The following UBE3A variants were observed in gnomAD, a reference collection of about 807,000 sequenced individuals.
UBE3A encodes ubiquitin-protein ligase E3A.
Under a neutral mutation model 83.4 loss-of-function variants are expected in UBE3A, and 6 were observed. The ratio of observed to expected loss-of-function variants is 0.07; its 90% CI spans 0.04 to 0.14. The LOEUF (loss-of-function observed/expected upper bound fraction) is 0.14. Among genes scored for constraint, UBE3A ranks in the 10% least tolerant of loss-of-function variants. The probability of loss-of-function intolerance (pLI) is 1.00; values close to 1 mark genes in which losing one functional copy is unlikely to be tolerated. For synonymous variants in UBE3A, 337 were observed against 355.4 expected, an observed-to-expected ratio of 0.95 and a Z score of 0.58; for missense variants, 456 against 1,036.1, an observed-to-expected ratio of 0.44 and a Z score of 7.69.
intron 4 of UBE3A, among the ~76,000 whole-genome samples, chr15:25,390,783 T>A (rs2084169714): frequency 6.6e-6 from 1 of 152,018 alleles, no homozygotes; most frequent in African/African-American, 2.4e-5. Flanking sequence ...GGACTTTGGG[T>A]AATTATGATG....
chr15:25,371,903 C>T lies in UBE3A; in HGVS notation c.362-91G>A. On this transcript the variant is annotated intron_variant, in intron 5 of 12. Transcript: ENST00000648336. This position sits in a 1 kb window ranked among gnomAD's most constrained non-coding sequence, Gnocchi z 5.3. ...AAGTTCTAAAAGTAAAACAGCCAAA[C>T]ATTCTAGGCTCAATATCATTTATGA... is the stretch of plus-strand genomic sequence containing the variant. 3 of 1,234,756 alleles carry T rather than the reference C, an allele frequency of 2.4e-6. No individual in the cohort carries two copies. In the African/African-American group the frequency reaches 4.6e-5, roughly 19 times the overall value. The allele number at this position is 1,234,756 out of a possible 1,614,324, so 76.5% of individuals were successfully genotyped here. A position where few individuals can be genotyped will look rare whatever the true frequency, so the allele number is the denominator to read the frequency against.
intron 1 of UBE3A, among the ~76,000 whole-genome samples, chr15:25,422,935 T>G (rs1473049890): frequency 2.0e-5 from 3 of 151,878 alleles, no homozygotes; most frequent in African/African-American, 7.3e-5. Flanking sequence ...GAGTTTGAGG[T>G]TGCAGGGAGC....
At chr15:25,406,536 TA>T (rs1430244558) in intron 3 of UBE3A, among the ~76,000 whole-genome samples, 1 of 152,170 alleles carries the variant, frequency 6.6e-6, no homozygotes, top group Non-Finnish European at 1.5e-5. Flanking sequence ...TATTGATTTC[TA>T]ACACTTAGAA....
In UBE3A at chr15:25,428,034, A is replaced by G. The variant is rs75309989; in HGVS notation, c.-165+10455T>C. Among the ~76,000 whole-genome samples, 7,066 of 152,202 alleles carry G rather than the reference A, an allele frequency of 0.046. 210 individuals carry two copies. Among genetic ancestry groups the G allele is most frequent in the African/African-American group, 0.065 (2,703 of 41,516 alleles). On this transcript the variant is annotated intron_variant, in intron 1 of 12. Transcript: ENST00000648336. ...TCACTCATACATGGGCTAAAAAAGT[A>G]TATCTCAAGAAGATAAGCATAGACT... is the stretch of plus-strand genomic sequence containing the variant.
At chr15:25,356,090 T>C (rs757224979) in intron 8 of UBE3A, 34 bp from the exon 9 acceptor site, 74 of 1,606,708 alleles carry the variant, frequency 4.6e-5, no homozygotes, top group South Asian at 3.6e-4. Flanking sequence ...GAGGCCACCA[T>C]AGAACTACAA....
intron 4 of UBE3A, among the ~76,000 whole-genome samples, chr15:25,377,989 CT>C (rs991533618): frequency 4.1e-4 from 62 of 152,214 alleles, no homozygotes; most frequent in African/African-American, 1.4e-3. Flanking sequence ...AGTTTTAAAA[CT>C]TCTTCCATCT....
intron 4 of UBE3A, among the ~76,000 whole-genome samples, chr15:25,402,612 T>G (rs2087438312): frequency 6.6e-6 from 1 of 152,146 alleles, no homozygotes; most frequent in South Asian, 2.1e-4. Context: ...CATGGGGGCC[T>G]GCCTAGCATT....
rs1271545147 is a variant in UBE3A at position 25,370,520 on chromosome 15, CATG to C, written c.1608+43_1608+45del. 1.2e-6 allele frequency: 2 copies of C among 1,608,438 alleles called. No individual in the cohort carries two copies. Among genetic ancestry groups the C allele is most frequent in the African/African-American group, 2.7e-5 (2 of 74,870 alleles). ...TTAAAATGAATTCACTGAACTGTAT[CATG>C]ATATCCCCATTATTAGGTTTTTAAT... On this transcript the variant is annotated intron_variant, in intron 6 of 12. Transcript: ENST00000648336. This position sits in a 1 kb window ranked among gnomAD's most constrained non-coding sequence, Gnocchi z 4.2.
intron 4 of UBE3A, among the ~76,000 whole-genome samples, chr15:25,399,657 C>G (rs1477330381): frequency 1.3e-5 from 2 of 152,104 alleles, no homozygotes; most frequent in Admixed American, 1.3e-4. Flanking sequence ...CCACCTTAAG[C>G]TCCTGAGCTC....
Position 25,382,253 on chromosome 15 carries a change from G to A in UBE3A, c.63-6490C>T, listed in dbSNP as rs147955391. On this transcript the variant is annotated intron_variant, in intron 4 of 12. Transcript: ENST00000648336. ...GAAGAATGGCATGAACCCGGGAGGCGGAGCTTGCAGTGAGCCGAGACAGAG... is the reference window on the plus strand; with the variant it reads ...GAAGAATGGCATGAACCCGGGAGGCAGAGCTTGCAGTGAGCCGAGACAGAG... Among the ~76,000 whole-genome samples the A allele has an allele frequency of 4.8e-3, 728 of 152,110 alleles. 5 individuals carry two copies. Among genetic ancestry groups the A allele is most frequent in the Non-Finnish European group, 7.5e-3 (509 of 67,980 alleles).
intron 1 of UBE3A, among the ~76,000 whole-genome samples, chr15:25,414,168 T>C (rs537208665): frequency 6.6e-6 from 1 of 152,274 alleles, no homozygotes; most frequent in South Asian, 2.1e-4. Context: ...ACTCAATTAT[T>C]TTCCCAAAGA....
chr15:25,402,575 T>C (rs2087422326), intron 4 of UBE3A, among the ~76,000 whole-genome samples: 1 of 152,100 alleles, frequency 6.6e-6, no homozygotes, highest in African/African-American at 2.4e-5. Context: ...AAGCTTGGTT[T>C]GTGGGTATTG....
chr15:25,423,545 TA>T (rs1890441084), intron 1 of UBE3A, among the ~76,000 whole-genome samples: 2 of 152,222 alleles, frequency 1.3e-5, no homozygotes, highest in South Asian at 4.1e-4. Context: ...CTCTCAGAGT[TA>T]ATTCCTAGTT....
At chr15:25,403,705 G>A (rs933744033) in intron 4 of UBE3A, among the ~76,000 whole-genome samples, 1 of 152,094 alleles carries the variant, frequency 6.6e-6, no homozygotes, top group East Asian at 1.9e-4. Context: ...CAACCTGAGC[G>A]CTCATCAACA....
At chr15:25,383,639 C>CA (rs981498006) in intron 4 of UBE3A, among the ~76,000 whole-genome samples, 30 of 151,508 alleles carry the variant, frequency 2.0e-4, no homozygotes, top group African/African-American at 5.1e-4. Flanking sequence ...GATTCTGTCT[C>CA]AAAAAAACAA....
At chr15:25,385,968 G>T (rs2083057182) in intron 4 of UBE3A, among the ~76,000 whole-genome samples, 2 of 152,176 alleles carry the variant, frequency 1.3e-5, no homozygotes, top group South Asian at 4.1e-4. Context: ...AAAGAGAAAT[G>T]ATTTTCAAGT....
intron 4 of UBE3A, among the ~76,000 whole-genome samples, chr15:25,403,546 T>C (rs1175385825): frequency 6.6e-6 from 1 of 151,996 alleles, no homozygotes; most frequent in Admixed American, 6.6e-5. Context: ...TCTGGAAGAG[T>C]ATGGCAGTTT....
chr15:25,336,014 TCA>T lies in UBE3A; in HGVS notation c.*3121_*3122del, dbSNP rs1168410171. The T allele has an allele frequency of 1.2e-4, 19 of 152,286 alleles. No individual in the cohort carries two copies. The highest frequency in any genetic ancestry group is 4.3e-4 in the African/African-American group (18 of 41,544). The allele number at this position is 152,286 out of a possible 1,614,324, so 9.4% of individuals were successfully genotyped here. ...GAAACTACCATGCATTAGTAGCCTT[TCA>T]CAGTGATATCTACCCCACACCTGCA... On this transcript the variant is annotated 3_prime_UTR_variant, in exon 13 of 13. Coordinates refer to ENST00000648336, the MANE Select transcript of UBE3A (RefSeq NM_130839.5).
chr15:25,395,405 C>G (rs536307636), intron 4 of UBE3A, among the ~76,000 whole-genome samples: 1 of 151,980 alleles, frequency 6.6e-6, no homozygotes, highest in Non-Finnish European at 1.5e-5. Flanking sequence ...AAAGATGATG[C>G]CTTTAAACAG....
Sources: allele counts gnomAD v4.1 joint callset (sites outside exome capture counted in the v4.1 genomes callset), GRCh38; gene constraint gnomAD v4.1.1; non-coding constraint Gnocchi (gnomAD v3.1); transcripts MANE v1.5; gene names NCBI Gene and HGNC (gene_info 2026-07-23, HGNC 2026-07-21).